Variants in SMARCC1 observed in about 807,000 individuals in gnomAD.
The protein encoded by SMARCC1 is SWI/SNF complex subunit SMARCC1.
SMARCC1 carries 43 observed loss-of-function variants against 147.4 expected under a neutral mutation model. That is an observed-to-expected ratio of 0.29 (90% CI 0.23 to 0.38). SMARCC1 has a LOEUF of 0.38. SMARCC1 is among the 10% of genes least tolerant of loss of function. SMARCC1 has a pLI of 1.00. For missense variants in SMARCC1, 1,119 were observed against 1,381.1 expected (o/e 0.81, Z 3.01); for synonymous variants, 495 against 484.4 (o/e 1.02, Z -0.29).
At chr3:47,776,137 G>A (rs1421106367) in intron 1 of SMARCC1, among the ~76,000 whole-genome samples, 1 of 151,914 alleles carries the variant, frequency 6.6e-6, no homozygotes, top group African/African-American at 2.4e-5. Context: ...GACAAAGCGA[G>A]ACTCCGTCTC....
intron 2 of SMARCC1, among the ~76,000 whole-genome samples, chr3:47,757,572 C>G (rs2034715382): frequency 6.6e-6 from 1 of 151,854 alleles, no homozygotes; most frequent in Admixed American, 6.6e-5. Flanking sequence ...GTCAGGAGAT[C>G]GAGACCATCC....
chr3:47,644,158 T>C (rs2033088778), intron 21 of SMARCC1, among the ~76,000 whole-genome samples: 1 of 152,080 alleles, frequency 6.6e-6, no homozygotes, highest in South Asian at 2.1e-4. Flanking sequence ...CCAGCCTGGG[T>C]GACAGAGGGA....
intron 26 of SMARCC1, among the ~76,000 whole-genome samples, chr3:47,597,816 G>C (rs1351329284): frequency 6.6e-6 from 1 of 152,198 alleles, no homozygotes; most frequent in African/African-American, 2.4e-5. Flanking sequence ...AAGAAGGAAG[G>C]GCGAGCATGG....
intron 26 of SMARCC1, among the ~76,000 whole-genome samples, chr3:47,593,092 G>A (rs2106640880): frequency 6.6e-6 from 1 of 152,148 alleles, no homozygotes; most frequent in Admixed American, 6.5e-5. Flanking sequence ...CTCCCAAAGT[G>A]CTGGGTTTGC....
At chr3:47,693,064 G>T (rs2033809369) in intron 12 of SMARCC1, among the ~76,000 whole-genome samples, 177 bp downstream of exon 12, 1 of 152,066 alleles carries the variant, frequency 6.6e-6, no homozygotes, top group South Asian at 2.1e-4. Context: ...GAACTACTTG[G>T]AAGACTAAGG....
chr3:47,694,719 C>T (rs554835735), intron 11 of SMARCC1, among the ~76,000 whole-genome samples: 14 of 152,168 alleles, frequency 9.2e-5, no homozygotes, highest in Admixed American at 2.0e-4. Flanking sequence ...TTTCCATCTA[C>T]CTTTTAGGTT....
intron 13 of SMARCC1, among the ~76,000 whole-genome samples, chr3:47,688,115 C>T (rs541406162): frequency 6.6e-6 from 1 of 152,098 alleles, no homozygotes; most frequent in African/African-American, 2.4e-5. Context: ...CAAAAATTAG[C>T]TGGGCGTGGT....
intron 24 of SMARCC1, among the ~76,000 whole-genome samples, chr3:47,624,021 G>T (rs1409037677): frequency 6.6e-6 from 1 of 151,962 alleles, no homozygotes; most frequent in African/African-American, 2.4e-5. Flanking sequence ...AGCCGTGGTG[G>T]CTCACGCCTG....
At chr3:47,700,138 T>C (rs1174959320) in intron 11 of SMARCC1, among the ~76,000 whole-genome samples, 1 of 151,978 alleles carries the variant, frequency 6.6e-6, no homozygotes, top group African/African-American at 2.4e-5. Flanking sequence ...CCAGAAAAGG[T>C]TCTAATTCCT....
In SMARCC1 at chr3:47,622,799, G is replaced by A. The variant is rs541299822; in HGVS notation, c.2647-458C>T. On this transcript the variant is annotated intron_variant, in intron 24 of 27. Coordinates refer to ENST00000254480, the MANE Select transcript of SMARCC1 (RefSeq NM_003074.4). ...CTTCTCTTTGGTGAGCAGACCTCATGTGTGGAAACAAAGGGGAAAACAATA... is the reference window on the plus strand; with the variant it reads ...CTTCTCTTTGGTGAGCAGACCTCATATGTGGAAACAAAGGGGAAAACAATA... Among the ~76,000 whole-genome samples, 3 of 152,290 alleles carry A rather than the reference G, an allele frequency of 2.0e-5. No homozygotes were observed. In the South Asian group the frequency reaches 6.2e-4, roughly 32 times the overall value.
At chr3:47,696,820 G>C (rs1042052713) in intron 11 of SMARCC1, among the ~76,000 whole-genome samples, 1 of 152,122 alleles carries the variant, frequency 6.6e-6, no homozygotes, top group South Asian at 2.1e-4. Context: ...ACCGCGCCCA[G>C]CCAAGTGTGA....
At chr3:47,657,790 G>A (rs2033283899) in intron 21 of SMARCC1, among the ~76,000 whole-genome samples, 1 of 151,678 alleles carries the variant, frequency 6.6e-6, no homozygotes, top group Admixed American at 6.6e-5. Context: ...TTCAGCCTAG[G>A]CAACAACAGA....
chr3:47,737,361 T>G (rs575536969), intron 4 of SMARCC1, among the ~76,000 whole-genome samples: 4 of 152,106 alleles, frequency 2.6e-5, no homozygotes, highest in African/African-American at 9.6e-5. Context: ...ACTGCACCAC[T>G]GCACTCCAGC....
At chr3:47,728,526 G>A (rs112344020) in intron 6 of SMARCC1, among the ~76,000 whole-genome samples, 180 of 152,246 alleles carry the variant, frequency 1.2e-3, no homozygotes, top group Middle Eastern at 6.8e-3. Context: ...TGAGAAAGAT[G>A]TTTGGACCAC....
chr3:47,585,618 A>G lies in SMARCC1; in HGVS notation c.*2591T>C, dbSNP rs1046255430. On this transcript the variant is annotated 3_prime_UTR_variant, in exon 28 of 28. Transcript: ENST00000254480. ...ACAAACATTATCCCATTCACCAAGC[A>G]AAGCTATTTCTCACACCTGGAGGTG... The G allele has an allele frequency of 6.6e-6, 1 of 152,212 alleles. No homozygotes were observed. Among genetic ancestry groups the G allele is most frequent in the Non-Finnish European group, 1.5e-5 (1 of 68,040 alleles). The allele number at this position is 152,212 out of a possible 1,614,324, so 9.4% of individuals were successfully genotyped here. A position where few individuals can be genotyped will look rare whatever the true frequency, so the allele number is the denominator to read the frequency against.
chr3:47,752,672 C>G (rs974044006), intron 2 of SMARCC1, among the ~76,000 whole-genome samples: 6 of 152,000 alleles, frequency 3.9e-5, no homozygotes, highest in Non-Finnish European at 4.4e-5. Context: ...GGATGTACCT[C>G]CCAGCTACCC....
chr3:47,729,320 C>G (rs1251807563), intron 5 of SMARCC1, among the ~76,000 whole-genome samples: 1 of 152,162 alleles, frequency 6.6e-6, no homozygotes, highest in Non-Finnish European at 1.5e-5. Context: ...AATTCGAGCA[C>G]CTATTAGCTA....
chr3:47,697,735 C>T lies in SMARCC1; in HGVS notation c.1165+3543G>A, dbSNP rs116892204. Among the ~76,000 whole-genome samples, 16 of 151,704 alleles carry T rather than the reference C, an allele frequency of 1.1e-4. No individual in the cohort carries two copies. In the East Asian group the frequency reaches 1.6e-3, roughly 15 times the overall value. Reference sequence around the variant, plus strand: ...TTAAAGATCAATATCTGGACGGGCACAGTGGCTCACGCCTGTAATCCCAGC... The same window carrying T: ...TTAAAGATCAATATCTGGACGGGCATAGTGGCTCACGCCTGTAATCCCAGC... On this transcript the variant is annotated intron_variant, in intron 11 of 27. Transcript: ENST00000254480.
Position 47,686,116 on chromosome 3 carries a change from C to A in SMARCC1, c.1318G>T (p.Asp440Tyr), listed in dbSNP as rs764763707. The change falls in exon 14 of 28, where the codon GAT (aspartate) becomes TAT (tyrosine). Residue 440 changes from aspartate (D) to tyrosine (Y), a missense_variant. Transcript: ENST00000254480. Reference protein sequence around the residue: ...DQSRSVDLGEDNVTEQTNHII... With the variant: ...DQSRSVDLGEYNVTEQTNHII... ...TGATTGGTCTGCTCTGTCACATTAT[C>A]TTCCCCAAGGTCAACTGATCGACTC... 3.1e-6 allele frequency: 5 copies of A among 1,611,638 alleles called. No individual in the cohort carries two copies. Among genetic ancestry groups the A allele is most frequent in the Non-Finnish European group, 8.5e-7 (1 of 1,177,806 alleles).
Sources: gnomAD v4.1 joint callset for allele counts (sites outside exome capture counted in the v4.1 genomes callset) on GRCh38, gnomAD v4.1.1 for gene constraint, MANE v1.5 for transcripts, NCBI Gene and HGNC (gene_info 2026-07-23, HGNC 2026-07-21) for gene names.